ZFYVE9: variants seen among roughly 807,000 people sequenced by gnomAD.
The protein encoded by ZFYVE9 is zinc finger FYVE-type containing 9, also known as zinc finger FYVE domain-containing protein 9.
A neutral mutation model predicts 126.7 loss-of-function variants in ZFYVE9; 43 were observed. The observed-to-expected ratio is 0.34, with a 90% CI of 0.27 to 0.44. The LOEUF (loss-of-function observed/expected upper bound fraction) is 0.44, where lower values mean the gene tolerates loss of function less well. ZFYVE9 is among the 20% of genes least tolerant of loss of function. The probability of loss-of-function intolerance (pLI) is 1.00; values close to 1 mark genes in which losing one functional copy is unlikely to be tolerated. For missense variants in ZFYVE9, 1,476 were observed against 1,697.0 expected, an observed-to-expected ratio of 0.87 and a Z score of 2.29; for synonymous variants, 521 against 597.4, an observed-to-expected ratio of 0.87 and a Z score of 1.87.
At chr1:52,256,043 T>TC (rs1645514904) in intron 4 of ZFYVE9, among the ~76,000 whole-genome samples, 4 of 133,146 alleles carry the variant, frequency 3.0e-5, no homozygotes, top group African/African-American at 1.2e-4. Flanking sequence ...CTTTCTTTCT[T>TC]TCTCTCTCTC....
At chr1:52,226,302 C>T (rs936592860) in intron 2 of ZFYVE9, among the ~76,000 whole-genome samples, 1 of 152,104 alleles carries the variant, frequency 6.6e-6, no homozygotes, top group South Asian at 2.1e-4. Context: ...GTCTGCAGCT[C>T]GACTTCACAG....
At chr1:52,211,903 A>C (rs1016092625) in intron 1 of ZFYVE9, among the ~76,000 whole-genome samples, 1 of 152,100 alleles carries the variant, frequency 6.6e-6, no homozygotes, top group African/African-American at 2.4e-5. Flanking sequence ...GATTCCTATG[A>C]ATTTCTTGCA....
At chr1:52,183,029 G>A (rs1437603673) in intron 1 of ZFYVE9, among the ~76,000 whole-genome samples, 2 of 152,130 alleles carry the variant, frequency 1.3e-5, no homozygotes, top group African/African-American at 4.8e-5. Flanking sequence ...AGTTTTAGTA[G>A]ATTGAAAGTA....
At chr1:52,156,147 T>G (rs1405340204) in intron 1 of ZFYVE9, among the ~76,000 whole-genome samples, 1 of 152,252 alleles carries the variant, frequency 6.6e-6, no homozygotes, top group Admixed American at 6.5e-5. Flanking sequence ...TTTTATTGTT[T>G]GTTCCATGTG....
intron 3 of ZFYVE9, among the ~76,000 whole-genome samples, chr1:52,234,760 T>C (rs1421771594): frequency 6.6e-6 from 1 of 152,246 alleles, no homozygotes; most frequent in Admixed American, 6.5e-5. Context: ...ATTGGGGTTT[T>C]ACATCATCCA....
chr1:52,230,275 A>G (rs906061128), intron 2 of ZFYVE9, among the ~76,000 whole-genome samples: 43 of 152,202 alleles, frequency 2.8e-4, no homozygotes, highest in African/African-American at 9.9e-4. Context: ...ATTGAATCCC[A>G]TGTTACCACA....
At chr1:52,229,596 T>G (rs1219234108) in intron 2 of ZFYVE9, among the ~76,000 whole-genome samples, 1 of 152,208 alleles carries the variant, frequency 6.6e-6, no homozygotes, top group African/African-American at 2.4e-5. Context: ...CACTGTTCAT[T>G]TATTCATTCT....
intron 4 of ZFYVE9, chr1:52,252,765 ACTGGCCATGG>A (rs1645464123): frequency 2.2e-6 from 1 of 455,132 alleles, no homozygotes; most frequent in African/African-American, 2.0e-5. Context: ...CTACCACTGT[ACTGGCCATGG>A]CTGGGCTCCC....
chr1:52,201,390 T>TC (rs1644921463), intron 1 of ZFYVE9, among the ~76,000 whole-genome samples: 1 of 147,642 alleles, frequency 6.8e-6, no homozygotes, highest in Admixed American at 6.8e-5. Context: ...TTTTTTTTTT[T>TC]TTTTTGAGAC....
chr1:52,344,719 TC>T, intron 17 of ZFYVE9, 48 bp from the exon 18 acceptor site: 1 of 1,600,594 alleles, frequency 6.2e-7, no homozygotes, highest in Non-Finnish European at 8.5e-7. Flanking sequence ...AATCTACTTC[TC>T]CCAAAATCTA....
chr1:52,268,450 C>T lies in ZFYVE9; in HGVS notation c.2456-13C>T, dbSNP rs1477766595. On this transcript the variant is annotated splice_polypyrimidine_tract_variant and intron_variant, in intron 6 of 18. Transcript: ENST00000287727. Reference sequence around the variant, plus strand: ...CCACATTGATGCCTGTTTTATTTTTCTGGCCCCTCAAGTGGCTCAGCCCAG... The same window carrying T: ...CCACATTGATGCCTGTTTTATTTTTTTGGCCCCTCAAGTGGCTCAGCCCAG... 3.1e-6 allele frequency: 5 copies of T among 1,604,592 alleles called. No individual in the cohort carries two copies. The highest frequency in any genetic ancestry group is 4.3e-6 in the Non-Finnish European group (5 of 1,173,466).
rs764087221 is a variant in ZFYVE9 at position 52,293,710 on chromosome 1, A to T, written c.3250+33A>T. On this transcript the variant is annotated intron_variant, in intron 11 of 18. Coordinates refer to ENST00000287727, the MANE Select transcript of ZFYVE9 (RefSeq NM_004799.4). ...GTAAAAACACGTTTTTCAAGGCATG[A>T]TGACTAAAATAATGCCTGAAATATT... 3 of 1,572,512 alleles carry T rather than the reference A, an allele frequency of 1.9e-6. No homozygotes were observed. The African/African-American group carries it at 4.1e-5, about 21-fold the overall frequency.
intron 1 of ZFYVE9, among the ~76,000 whole-genome samples, chr1:52,176,071 G>T (rs1013089959): frequency 6.6e-6 from 1 of 152,168 alleles, no homozygotes. Flanking sequence ...GGAGAGACAC[G>T]CTGCTTTTTA....
At chr1:52,251,986 A>AT (rs201430657) in intron 4 of ZFYVE9, 20,317 of 146,288 alleles carry the variant, frequency 0.14, 1,327 homozygotes, top group Middle Eastern at 0.16. Context: ...GCGTTGAGGC[A>AT]TTTTTTTTTT....
At chr1:52,176,448 C>G (rs1276546179) in intron 1 of ZFYVE9, among the ~76,000 whole-genome samples, 1 of 152,234 alleles carries the variant, frequency 6.6e-6, no homozygotes, top group Non-Finnish European at 1.5e-5. Context: ...GGGTCAAGGA[C>G]CCACTTGAGG....
chr1:52,199,754 A>G (rs1644906301), intron 1 of ZFYVE9, among the ~76,000 whole-genome samples: 1 of 152,194 alleles, frequency 6.6e-6, no homozygotes, highest in African/African-American at 2.4e-5. Flanking sequence ...AGAAACAGCC[A>G]AACTGTCTTC....
intron 11 of ZFYVE9, 41 bp downstream of exon 11, chr1:52,293,718 A>G (rs751632843): frequency 4.6e-6 from 7 of 1,531,538 alleles, no homozygotes; most frequent in African/African-American, 4.1e-5. Context: ...TGATGACTAA[A>G]ATAATGCCTG....
At chr1:52,190,045 T>G (rs890033586) in intron 1 of ZFYVE9, 2 of 157,930 alleles carry the variant, frequency 1.3e-5, no homozygotes, top group Admixed American at 6.4e-5. Flanking sequence ...TGAGTATATA[T>G]AGACCTCATT....
chr1:52,264,087 A>G lies in ZFYVE9; in HGVS notation c.2278+215A>G, dbSNP rs113565123. 21 of 315,500 alleles carry G rather than the reference A, an allele frequency of 6.7e-5. 1 individual carries two copies. In the South Asian group the frequency reaches 1.2e-3, roughly 18 times the overall value. The allele number at this position is 315,500 out of a possible 1,614,324, so 19.5% of individuals were successfully genotyped here. On this transcript the variant is annotated intron_variant, in intron 5 of 18. Coordinates refer to ENST00000287727, the MANE Select transcript of ZFYVE9 (RefSeq NM_004799.4). Reference sequence around the variant, plus strand: ...AATTTAATGAATAAATGCTAAAGCCAGGTAAGTTTTGCAGGAATAATGGAA... The same window carrying G: ...AATTTAATGAATAAATGCTAAAGCCGGGTAAGTTTTGCAGGAATAATGGAA...
Sources: allele counts gnomAD v4.1 joint callset (sites outside exome capture counted in the v4.1 genomes callset), GRCh38; gene constraint gnomAD v4.1.1; transcripts MANE v1.5; gene names NCBI Gene and HGNC (gene_info 2026-07-23, HGNC 2026-07-21).